Variants in RBFOX1 observed in about 807,000 individuals in gnomAD.
RBFOX1 encodes RNA binding protein fox-1 homolog 1.
In RBFOX1, 8 loss-of-function variants were observed where a neutral mutation model predicts 57.7. That is an observed-to-expected ratio of 0.14 (90% CI 0.08 to 0.25). RBFOX1 has a LOEUF of 0.25. RBFOX1 is among the 10% of genes least tolerant of loss of function. The probability of loss-of-function intolerance (pLI) is 1.00; values close to 1 mark genes in which losing one functional copy is unlikely to be tolerated. For synonymous variants in RBFOX1, 326 were observed against 222.4 expected, an observed-to-expected ratio of 1.47 and a Z score of -4.15; for missense variants, 611 against 548.5, an observed-to-expected ratio of 1.11 and a Z score of -1.14.
intron 1 of RBFOX1, among the ~76,000 whole-genome samples, chr16:6,102,514 C>G (rs969076326): frequency 3.3e-5 from 5 of 152,110 alleles, no homozygotes. Flanking sequence ...AGTTTCCTTT[C>G]AGGCAGGTTG....
chr16:7,219,807 T>C lies in RBFOX1; in HGVS notation c.27+167709T>C, dbSNP rs1056484763. Reference sequence around the variant, plus strand: ...ATTTTTGTTCTCTATGTTTGTGATATGAAAGCATGACCTTCCACCAAAGGA... The same window carrying C: ...ATTTTTGTTCTCTATGTTTGTGATACGAAAGCATGACCTTCCACCAAAGGA... On this transcript the variant is annotated intron_variant, in intron 4 of 15. Coordinates refer to ENST00000550418, the MANE Select transcript of RBFOX1 (RefSeq NM_018723.4). Among the ~76,000 whole-genome samples, 22 of 152,192 alleles carry C rather than the reference T, an allele frequency of 1.4e-4. No homozygotes were observed. In the East Asian group the frequency reaches 1.7e-3, roughly 12 times the overall value.
Position 5,243,384 on chromosome 16 carries a change from C to T in RBFOX1, c.219+3279C>T, listed in dbSNP as rs145522284. Among the ~76,000 whole-genome samples the T allele has an allele frequency of 3.6e-3, 554 of 152,280 alleles. 3 individuals are homozygous for T. The highest frequency in any genetic ancestry group is 0.012 in the African/African-American group (515 of 41,552). On this transcript the variant is annotated intron_variant, in intron 1 of 2. Coordinates refer to the RBFOX1 transcript ENST00000585867. ...CCAGATCAGGAAGGTTGTTGTCAGC[C>T]TGGGGCTCCTGTAGAGGAGCATCCG...
At chr16:6,592,216 A>G (rs2097721101) in intron 2 of RBFOX1, among the ~76,000 whole-genome samples, 1 of 152,202 alleles carries the variant, frequency 6.6e-6, no homozygotes, top group Non-Finnish European at 1.5e-5. Context: ...TTGAAAGAAT[A>G]ATAACTACCA....
chr16:6,770,188 T>C (rs2078053474), intron 3 of RBFOX1, among the ~76,000 whole-genome samples: 1 of 152,202 alleles, frequency 6.6e-6, no homozygotes, highest in Non-Finnish European at 1.5e-5. Flanking sequence ...TATATATCCA[T>C]TAGCAGTCAT....
intron 1 of RBFOX1, among the ~76,000 whole-genome samples, chr16:6,298,680 C>A (rs1006330147): frequency 5.3e-5 from 8 of 152,178 alleles, no homozygotes; most frequent in Admixed American, 3.9e-4. Context: ...GTGAAAATAC[C>A]CTTAGTGTTA....
intron 3 of RBFOX1, among the ~76,000 whole-genome samples, chr16:6,726,129 G>T (rs915293248): frequency 2.0e-5 from 3 of 152,026 alleles, no homozygotes; most frequent in Non-Finnish European, 4.4e-5. Context: ...GAGCCAGGAG[G>T]GGGCAGTAAA....
intron 1 of RBFOX1, among the ~76,000 whole-genome samples, chr16:6,281,120 G>T (rs2076335862): frequency 6.6e-6 from 1 of 151,798 alleles, no homozygotes; most frequent in African/African-American, 2.4e-5. Flanking sequence ...GCAGTGGAGA[G>T]CATTGGGCTA....
chr16:7,410,107 A>AT (rs2098408329), intron 4 of RBFOX1, among the ~76,000 whole-genome samples: 3 of 152,154 alleles, frequency 2.0e-5, no homozygotes. Flanking sequence ...AACATAGGAA[A>AT]TTGCTGTCAT....
intron 2 of RBFOX1, among the ~76,000 whole-genome samples, chr16:6,366,740 CAGTA>C (rs2089684122): frequency 1.3e-5 from 2 of 152,174 alleles, no homozygotes; most frequent in African/African-American, 4.8e-5. Context: ...AACTGAGTCA[CAGTA>C]AGCTGAAATG....
chr16:6,720,556 C>T (rs2154161564), intron 3 of RBFOX1, among the ~76,000 whole-genome samples: 1 of 152,228 alleles, frequency 6.6e-6, no homozygotes, highest in Non-Finnish European at 1.5e-5. Context: ...AAGGCAGAGG[C>T]CCTGAGCTGG....
chr16:6,431,896 G>GTTTTCTTTCTTT lies in RBFOX1; in HGVS notation c.-64+114839_-64+114840insTTTTCTTTCTTT, dbSNP rs1555469937. Reference sequence around the variant, plus strand: ...TGTCCAGAAATATGCTTGCTTGCTTGCTTTCTTTCTTTCTTTCTTTCTTTC... The same window carrying GTTTTCTTTCTTT: ...TGTCCAGAAATATGCTTGCTTGCTTGTTTTCTTTCTTTCTTTCTTTCTTTCTTTCTTTCTTTC... On this transcript the variant is annotated intron_variant, in intron 2 of 15. Coordinates refer to ENST00000550418, the MANE Select transcript of RBFOX1 (RefSeq NM_018723.4). 1.0e-3 allele frequency among the ~76,000 whole-genome samples: 128 copies of GTTTTCTTTCTTT among 128,198 alleles called. 1 individual carries two copies. The highest frequency in any genetic ancestry group is 3.8e-3 in the African/African-American group (121 of 32,188). The allele number at this position is 128,198 out of a possible 152,430, so 84.1% of individuals were successfully genotyped here.
intron 4 of RBFOX1, among the ~76,000 whole-genome samples, chr16:7,089,432 G>T (rs139336001): frequency 6.6e-6 from 1 of 152,084 alleles, no homozygotes; most frequent in African/African-American, 2.4e-5. Context: ...ACGTGGGATT[G>T]TCGCCTCAAT....
intron 3 of RBFOX1, among the ~76,000 whole-genome samples, chr16:7,025,722 C>G (rs919796285): frequency 6.6e-6 from 1 of 151,936 alleles, no homozygotes; most frequent in Non-Finnish European, 1.5e-5. Context: ...CCAGTCAGGA[C>G]ATCCTAGCTG....
intron 3 of RBFOX1, among the ~76,000 whole-genome samples, chr16:6,861,597 T>G (rs2059012130): frequency 6.6e-6 from 1 of 150,970 alleles, no homozygotes. Context: ...AAGTACTAAG[T>G]TGTTCCAGTA....
At chr16:7,543,762 T>G (rs2083638888) in intron 5 of RBFOX1, among the ~76,000 whole-genome samples, 1 of 151,868 alleles carries the variant, frequency 6.6e-6, no homozygotes, top group East Asian at 1.9e-4. Context: ...GACTCTGTTG[T>G]CAGGCTGGAG....
chr16:7,162,407 C>T (rs1401410225), intron 4 of RBFOX1, among the ~76,000 whole-genome samples: 2 of 151,900 alleles, frequency 1.3e-5, no homozygotes, highest in Non-Finnish European at 2.9e-5. Context: ...TTTTATGATG[C>T]TCCATTGTGC....
intron 3 of RBFOX1, among the ~76,000 whole-genome samples, chr16:5,854,907 G>A (rs1169830487): frequency 1.3e-5 from 2 of 152,008 alleles, no homozygotes; most frequent in Non-Finnish European, 2.9e-5. Context: ...TGACTTTTTG[G>A]TAACCCAGCC....
intron 3 of RBFOX1, among the ~76,000 whole-genome samples, chr16:5,639,191 G>C (rs745539145): frequency 6.6e-6 from 1 of 152,116 alleles, no homozygotes; most frequent in South Asian, 2.1e-4. Flanking sequence ...TTCCTCTTGC[G>C]TGATACGTTC....
intron 3 of RBFOX1, among the ~76,000 whole-genome samples, chr16:5,672,983 T>G (rs907322257): frequency 1.3e-5 from 2 of 152,010 alleles, no homozygotes; most frequent in Non-Finnish European, 2.9e-5. Flanking sequence ...GGTCAGTAAT[T>G]GCTCAGAAAC....
Sources: gnomAD v4.1 joint callset for allele counts (sites outside exome capture counted in the v4.1 genomes callset) on GRCh38, gnomAD v4.1.1 for gene constraint, MANE v1.5 for transcripts, NCBI Gene and HGNC (gene_info 2026-07-23, HGNC 2026-07-21) for gene names.